Variants in EIF3C observed in about 807,000 individuals in gnomAD.
EIF3C encodes the protein eukaryotic translation initiation factor 3 subunit C, also known as cell migration-inducing protein 17.
Under a neutral mutation model 11.1 loss-of-function variants are expected in EIF3C, and 2 were observed. The observed-to-expected ratio is 0.18, with a 90% CI of 0.07 to 0.57. EIF3C has a LOEUF of 0.57. EIF3C is among the 20% of genes least tolerant of loss of function. The pLI, the probability that EIF3C is intolerant of heterozygous loss-of-function variation, is 0.92. For missense variants in EIF3C, 16 were observed against 114.6 expected (o/e 0.14, Z 3.93); for synonymous variants, 2 against 41.5 (o/e 0.05, Z 3.66).
intron 1 of EIF3C, among the ~76,000 whole-genome samples, chr16:28,703,462 AAAAAT>A (rs1226042271): frequency 5.5e-5 from 2 of 36,270 alleles, no homozygotes; most frequent in African/African-American, 1.4e-4. Flanking sequence ...AAAATAAATA[AAAAAT>A]AAAATAAAAT....
At chr16:28,699,771 T>C (rs2048270562) in intron 1 of EIF3C, among the ~76,000 whole-genome samples, 1 of 90,732 alleles carries the variant, frequency 1.1e-5, no homozygotes, top group Non-Finnish European at 2.2e-5. Flanking sequence ...CTTCAACTTC[T>C]GACCTCAAGT....
At chr16:28,699,705 G>A (rs1184207866) in intron 1 of EIF3C, among the ~76,000 whole-genome samples, 9 of 75,416 alleles carry the variant, frequency 1.2e-4, no homozygotes, top group African/African-American at 3.5e-4. Flanking sequence ...CACCATGCCC[G>A]GCTAATTTTT....
intron 13 of EIF3C, among the ~76,000 whole-genome samples, chr16:28,725,765 CAAAAAA>C (rs1166823476): frequency 4.8e-5 from 1 of 20,990 alleles, no homozygotes; most frequent in Non-Finnish European, 8.2e-5. Context: ...GACTCCATCT[CAAAAAA>C]AAAAAAAAAT....
At chr16:28,698,523 C>G (rs2048259136) in intron 1 of EIF3C, among the ~76,000 whole-genome samples, 1 of 82,924 alleles carries the variant, frequency 1.2e-5, no homozygotes, top group Admixed American at 1.0e-4. Context: ...GCTGGCTGGG[C>G]GGGGGGCTGA....
At chr16:28,698,435 A>G (rs1317076971) in intron 1 of EIF3C, among the ~76,000 whole-genome samples, 1 of 43,520 alleles carries the variant, frequency 2.3e-5, no homozygotes. Flanking sequence ...CGGGGGGCTG[A>G]CCCCCCCACC....
chr16:28,723,140 A>G (rs762432538), intron 8 of EIF3C, 24 bp from the exon 9 acceptor site: 12 of 1,611,810 alleles, frequency 7.4e-6, no homozygotes, highest in Non-Finnish European at 9.3e-6. Flanking sequence ...CTGATCTGTC[A>G]TCTTCTCCCA....
intron 1 of EIF3C, among the ~76,000 whole-genome samples, chr16:28,692,646 C>T (rs1271920163): frequency 4.3e-5 from 6 of 137,966 alleles, no homozygotes; most frequent in Non-Finnish European, 9.3e-5. Flanking sequence ...GTAGTCCCAG[C>T]TACTCCGGAG....
At chr16:28,699,493 AG>A (rs2048268678) in intron 1 of EIF3C, among the ~76,000 whole-genome samples, 3 of 100,846 alleles carry the variant, frequency 3.0e-5, no homozygotes, top group Non-Finnish European at 5.7e-5. Flanking sequence ...GGAGAGGGAG[AG>A]GGAGAGGGAG....
Position 28,689,216 on chromosome 16 carries a change from TG to T in EIF3C, c.-31+389del, listed in dbSNP as rs2048210401. On this transcript the variant is annotated intron_variant, in intron 1 of 20. Transcript: ENST00000566501. ...GAGCCACCACGCCCGGCCCCATGGG[TG>T]TTTTTTAGAGCTCTCTTTGATTCAC... Among the ~76,000 whole-genome samples, 2 of 49,354 alleles carry T rather than the reference TG, an allele frequency of 4.1e-5. 1 individual carries two copies. Among genetic ancestry groups the T allele is most frequent in the Admixed American group, 4.4e-4 (2 of 4,544 alleles). 32.4% of individuals were successfully genotyped at this position (49,354 alleles called of 152,430 possible). A position where few individuals can be genotyped will look rare whatever the true frequency, so the allele number is the denominator to read the frequency against.
intron 1 of EIF3C, among the ~76,000 whole-genome samples, chr16:28,704,652 C>T (rs1369271523): frequency 2.0e-5 from 1 of 49,876 alleles, no homozygotes; most frequent in Non-Finnish European, 3.6e-5. Flanking sequence ...TTCAAGGCTG[C>T]TGCAGTGAGC....
chr16:28,698,409 G>C lies in EIF3C; in HGVS notation c.-31+9581G>C, dbSNP rs1445360284. Among the ~76,000 whole-genome samples the C allele has an allele frequency of 2.2e-5, 2 of 92,658 alleles. 1 individual carries two copies. Among genetic ancestry groups the C allele is most frequent in the Non-Finnish European group, 4.0e-5 (2 of 49,812 alleles). 60.8% of individuals were successfully genotyped at this position (92,658 alleles called of 152,430 possible). On this transcript the variant is annotated intron_variant, in intron 1 of 20. Coordinates refer to the EIF3C transcript ENST00000566501. ...TGACCCTCCCACCTCCCTCCCGGAC[G>C]GCATGGCTGGCCAGGCGGGGGGCTG...
intron 1 of EIF3C, among the ~76,000 whole-genome samples, chr16:28,698,640 G>A (rs1207928596): frequency 1.1e-5 from 1 of 87,258 alleles, no homozygotes; most frequent in Non-Finnish European, 2.0e-5. Context: ...CCCAGATGGG[G>A]TGGCTGCCGG....
At chr16:28,698,001 AC>A (rs1181801519) in intron 1 of EIF3C, among the ~76,000 whole-genome samples, 32 of 17,136 alleles carry the variant, frequency 1.9e-3, no homozygotes, top group Admixed American at 4.6e-3. Flanking sequence ...GGGGGGGCTG[AC>A]CCCCCCCACC....
rs754678272 is a variant in EIF3C at position 28,700,312 on chromosome 16, G to A, written c.-30-11345G>A. On this transcript the variant is annotated intron_variant, in intron 1 of 20. Coordinates refer to the EIF3C transcript ENST00000566501. ...GGGTGGGTCACGCACTGACATCCCC[G>A]CCTGTCTTGGGAACAGCTTCCAGCA... is the stretch of plus-strand genomic sequence containing the variant. 1.6e-4 allele frequency: 52 copies of A among 329,278 alleles called. 14 individuals are homozygous for A. The highest frequency in any genetic ancestry group is 1.4e-3 in the Middle Eastern group (2 of 1,424). 20.4% of individuals were successfully genotyped at this position (329,278 alleles called of 1,614,324 possible). A position where few individuals can be genotyped will look rare whatever the true frequency, so the allele number is the denominator to read the frequency against.
intron 2 of EIF3C, among the ~76,000 whole-genome samples, chr16:28,713,021 C>T (rs1384670589): frequency 6.9e-6 from 1 of 145,574 alleles, no homozygotes; most frequent in Non-Finnish European, 1.5e-5. Context: ...TAAAATAATC[C>T]AAAAAATAAT....
chr16:28,727,850 T>C (rs2048394861), intron 15 of EIF3C, among the ~76,000 whole-genome samples: 1 of 112,908 alleles, frequency 8.9e-6, no homozygotes. Flanking sequence ...CAACTTTTGG[T>C]GGTGTTGGTC....
rs1427178796 is a variant in EIF3C at position 28,695,765 on chromosome 16, G to A, written c.-31+6937G>A. On this transcript the variant is annotated intron_variant, in intron 1 of 20. Coordinates refer to the EIF3C transcript ENST00000566501. The stretch of plus-strand genomic sequence containing the variant: ...AGCACTTTGGGAGGCCAAGGCAGGC[G>A]GATCACGAGGTCAGGAGATTGAGAC... 3.9e-5 allele frequency among the ~76,000 whole-genome samples: 2 copies of A among 51,134 alleles called. 1 individual carries two copies. The highest frequency in any genetic ancestry group is 1.2e-3 in the South Asian group (2 of 1,676). The allele number at this position is 51,134 out of a possible 152,430, so 33.5% of individuals were successfully genotyped here.
At chr16:28,728,489 T>G (rs2048404987) in intron 15 of EIF3C, among the ~76,000 whole-genome samples, 1 of 80,730 alleles carries the variant, frequency 1.2e-5, no homozygotes, top group Non-Finnish European at 3.0e-5. Context: ...GTGTGTATCT[T>G]TTAGGGGGTG....
At chr16:28,698,395 C>T (rs2048256518) in intron 1 of EIF3C, among the ~76,000 whole-genome samples, 3 of 98,924 alleles carry the variant, frequency 3.0e-5, no homozygotes, top group Admixed American at 2.6e-4. Flanking sequence ...GACCCTCCCA[C>T]CTCCCTCCCG....
Sources: gnomAD v4.1 joint callset for allele counts (sites outside exome capture counted in the v4.1 genomes callset) on GRCh38, gnomAD v4.1.1 for gene constraint, MANE v1.5 for transcripts, NCBI Gene and HGNC (gene_info 2026-07-23, HGNC 2026-07-21) for gene names.